Variants in GRIK2 observed in about 807,000 individuals in gnomAD.
GRIK2 encodes the protein glutamate receptor ionotropic, kainate 2.
GRIK2 carries 32 observed loss-of-function variants against 100.3 expected under a neutral mutation model. That is an observed-to-expected ratio of 0.32 (90% CI 0.24 to 0.43). GRIK2 has a LOEUF of 0.43. GRIK2 is among the 20% of genes least tolerant of loss of function. GRIK2 has a pLI of 1.00. For synonymous variants in GRIK2, 417 were observed against 389.4 expected (o/e 1.07, Z -0.83); for missense variants, 843 against 1,114.9 (o/e 0.76, Z 3.47).
intron 4 of GRIK2, among the ~76,000 whole-genome samples, chr6:101,629,536 G>A (rs1358018627): frequency 1.3e-5 from 2 of 152,046 alleles, no homozygotes; most frequent in Non-Finnish European, 2.9e-5. Context: ...TTTGCAATGG[G>A]ATAATTGCAC....
chr6:101,831,427 C>T (rs1782686483), intron 10 of GRIK2, among the ~76,000 whole-genome samples: 1 of 152,008 alleles, frequency 6.6e-6, no homozygotes, highest in Non-Finnish European at 1.5e-5. Flanking sequence ...CTGTGGTGCA[C>T]CATGGCTTCT....
intron 4 of GRIK2, among the ~76,000 whole-genome samples, chr6:101,633,486 G>C (rs2128321287): frequency 6.6e-6 from 1 of 152,236 alleles, no homozygotes; most frequent in Admixed American, 6.6e-5. Flanking sequence ...GTTGTGTAAA[G>C]TGCCTCATAG....
At chr6:101,853,558 C>A (rs1784258594) in intron 10 of GRIK2, among the ~76,000 whole-genome samples, 1 of 152,094 alleles carries the variant, frequency 6.6e-6, no homozygotes. Context: ...CATACTCTTA[C>A]CATATGATCT....
chr6:101,962,710 G>A (rs893591651), intron 14 of GRIK2, among the ~76,000 whole-genome samples: 41 of 151,962 alleles, frequency 2.7e-4, no homozygotes, highest in African/African-American at 9.9e-4. Flanking sequence ...GGGTTATGTT[G>A]TTTGGTGCAT....
chr6:101,781,420 T>A (rs1350524728), intron 7 of GRIK2, among the ~76,000 whole-genome samples: 6 of 152,188 alleles, frequency 3.9e-5, no homozygotes, highest in Non-Finnish European at 8.8e-5. Flanking sequence ...ACCTTTGATT[T>A]GTAGAGATAT....
chr6:101,652,400 C>T (rs1310064398), intron 4 of GRIK2, among the ~76,000 whole-genome samples: 4 of 152,208 alleles, frequency 2.6e-5, no homozygotes, highest in South Asian at 2.1e-4. Flanking sequence ...CCTGATGATA[C>T]GGGCATCCTG....
chr6:101,400,857 GT>G (rs1210640907), intron 2 of GRIK2, among the ~76,000 whole-genome samples: 2 of 152,172 alleles, frequency 1.3e-5, no homozygotes, highest in Non-Finnish European at 2.9e-5. Flanking sequence ...CACTGTAGTA[GT>G]TTTCATGCTT....
At chr6:101,675,876 T>G (rs2128339706) in intron 4 of GRIK2, among the ~76,000 whole-genome samples, 1 of 152,280 alleles carries the variant, frequency 6.6e-6, no homozygotes, top group Non-Finnish European at 1.5e-5. Flanking sequence ...TTAAAATCTA[T>G]TTTATTAAGG....
At chr6:101,439,310 CT>C (rs1254674955) in intron 2 of GRIK2, among the ~76,000 whole-genome samples, 1 of 152,120 alleles carries the variant, frequency 6.6e-6, no homozygotes, top group Non-Finnish European at 1.5e-5. Flanking sequence ...AAAGTAACAG[CT>C]TTATGCATAA....
At chr6:101,744,552 ATATATAT>A (rs1776294025) in intron 7 of GRIK2, 1 of 121,942 alleles carries the variant, frequency 8.2e-6, no homozygotes, top group African/African-American at 3.3e-5. Context: ...ATATATATAT[ATATATAT>A]CACAATTTCT....
At chr6:101,751,765 G>T (rs1562357153) in intron 7 of GRIK2, among the ~76,000 whole-genome samples, 2 of 152,144 alleles carry the variant, frequency 1.3e-5, no homozygotes, top group Non-Finnish European at 2.9e-5. Flanking sequence ...TTGGTGGTTG[G>T]TTCTAGAGGC....
intron 2 of GRIK2, among the ~76,000 whole-genome samples, chr6:101,507,542 A>G (rs1453540393): frequency 6.6e-6 from 1 of 152,204 alleles, no homozygotes; most frequent in Non-Finnish European, 1.5e-5. Flanking sequence ...ATGAACATAT[A>G]GTTTATTCAT....
At chr6:101,627,314 G>A (rs1017447794) in intron 4 of GRIK2, among the ~76,000 whole-genome samples, 1 of 152,060 alleles carries the variant, frequency 6.6e-6, no homozygotes, top group Non-Finnish European at 1.5e-5. Flanking sequence ...GCTAATTTTT[G>A]TATTTTTAGT....
At chr6:101,813,046 A>G (rs1167497889) in intron 9 of GRIK2, among the ~76,000 whole-genome samples, 2 of 152,104 alleles carry the variant, frequency 1.3e-5, no homozygotes, top group Non-Finnish European at 2.9e-5. Flanking sequence ...ATCCGTATAT[A>G]ACATATACAT....
intron 10 of GRIK2, among the ~76,000 whole-genome samples, chr6:101,842,440 C>CT (rs1204399290): frequency 6.6e-6 from 1 of 151,936 alleles, no homozygotes; most frequent in Non-Finnish European, 1.5e-5. Flanking sequence ...TCTAATGATC[C>CT]TTTTTTCTAT....
intron 14 of GRIK2, among the ~76,000 whole-genome samples, chr6:101,941,753 TTTAA>T (rs1169041493): frequency 6.6e-6 from 1 of 152,132 alleles, no homozygotes; most frequent in African/African-American, 2.4e-5. Context: ...GCAAAAGATC[TTTAA>T]TTAATCAACT....
chr6:101,830,156 G>A (rs775744716), intron 10 of GRIK2, among the ~76,000 whole-genome samples: 11 of 151,812 alleles, frequency 7.2e-5, no homozygotes, highest in Admixed American at 2.0e-4. Flanking sequence ...TGACAAAATC[G>A]ACAAAAACAA....
At chr6:101,403,084 A>G (rs1434460391) in intron 2 of GRIK2, among the ~76,000 whole-genome samples, 1 of 152,214 alleles carries the variant, frequency 6.6e-6, no homozygotes, top group Non-Finnish European at 1.5e-5. Context: ...CGGCTGGCCT[A>G]GGGTTCACCG....
rs188363460 is a variant in GRIK2 at position 101,759,347 on chromosome 6, G to T, written c.952-40301G>T. Among the ~76,000 whole-genome samples the T allele has an allele frequency of 2.0e-3, 311 of 152,110 alleles. 1 individual carries two copies. Among genetic ancestry groups the T allele is most frequent in the Non-Finnish European group, 2.4e-3 (166 of 67,982 alleles). Reference sequence around the variant, plus strand: ...TTTTTATTTTCCTTTTTTTGTAGGGGTTGTAAAACAATTTTCTGAGTAAAA... The same window carrying T: ...TTTTTATTTTCCTTTTTTTGTAGGGTTTGTAAAACAATTTTCTGAGTAAAA... On this transcript the variant is annotated intron_variant, in intron 7 of 16. Coordinates refer to ENST00000369134, the MANE Select transcript of GRIK2 (RefSeq NM_021956.5).
Sources: allele counts gnomAD v4.1 joint callset (sites outside exome capture counted in the v4.1 genomes callset), GRCh38; gene constraint gnomAD v4.1.1; transcripts MANE v1.5; gene names NCBI Gene and HGNC (gene_info 2026-07-23, HGNC 2026-07-21).